Variants in DENND10 observed in about 807,000 individuals in gnomAD.
DENND10 encodes the protein DENN domain-containing protein 10.
DENND10 carries 24 observed loss-of-function variants against 43.6 expected under a neutral mutation model. The observed-to-expected ratio is 0.55, with a 90% CI of 0.40 to 0.77. The LOEUF (loss-of-function observed/expected upper bound fraction) is 0.77. DENND10 is among the 30% of genes least tolerant of loss of function. The probability of loss-of-function intolerance (pLI) is 0.00; values close to 1 mark genes in which losing one functional copy is unlikely to be tolerated. For missense variants in DENND10, 303 were observed against 429.9 expected (o/e 0.70, Z 2.61); for synonymous variants, 125 against 157.6 (o/e 0.79, Z 1.55).
At chr10:119,125,991 C>T (rs971254078) in intron 6 of DENND10, among the ~76,000 whole-genome samples, 1 of 152,124 alleles carries the variant, frequency 6.6e-6, no homozygotes, top group Non-Finnish European at 1.5e-5. Flanking sequence ...CCATTCTACT[C>T]TCTATCTCCC....
chr10:119,132,483 T>C lies in DENND10; in HGVS notation c.803-32T>C. 6.5e-7 allele frequency: 1 copy of C among 1,547,406 alleles called. No homozygotes were observed. The highest frequency in any genetic ancestry group is 8.9e-7 in the Non-Finnish European group (1 of 1,120,492). On this transcript the variant is annotated intron_variant, in intron 7 of 8. Transcript: ENST00000361432. The surrounding 1 kb of genome is among the most constrained non-coding windows in gnomAD (Gnocchi z 4.2). Reference sequence around the variant, plus strand: ...ATGGCATGATTATTTTTTATGTCGATTTCTAAATATTCACCTTCTTGATCT... The same window carrying C: ...ATGGCATGATTATTTTTTATGTCGACTTCTAAATATTCACCTTCTTGATCT...
intron 3 of DENND10, 61 bp from the exon 4 acceptor site, chr10:119,117,458 C>A: frequency 6.4e-7 from 1 of 1,559,670 alleles, no homozygotes; most frequent in Non-Finnish European, 8.7e-7. Flanking sequence ...AGCCTGGGTG[C>A]ACATCTGTAC....
At chr10:119,118,301 G>A (rs183095251) in intron 4 of DENND10, among the ~76,000 whole-genome samples, 57 of 152,168 alleles carry the variant, frequency 3.7e-4, no homozygotes, top group African/African-American at 1.3e-3. Flanking sequence ...TTTCTCGCTG[G>A]TGGGCTGAAT....
chr10:119,115,382 A>ATTTTTTTTTTTTTTTTTTTTTTTTTT (rs397845392), intron 3 of DENND10, among the ~76,000 whole-genome samples: 1 of 48,414 alleles, frequency 2.1e-5, no homozygotes, highest in East Asian at 8.1e-4. Context: ...TGAATTGGTA[A>ATTTTTTTTTTTTTTTTTTTTTTTTTT]TTTTTTTTTT....
At chr10:119,106,631 C>A (rs1844707296) in intron 1 of DENND10, among the ~76,000 whole-genome samples, 1 of 152,188 alleles carries the variant, frequency 6.6e-6, no homozygotes. Context: ...AGCCATTATG[C>A]TTGGCCTAAA....
At chr10:119,135,791 TAAAAAAAAAA>T (rs367836571) in intron 8 of DENND10, among the ~76,000 whole-genome samples, 27 of 64,020 alleles carry the variant, frequency 4.2e-4, no homozygotes, top group Admixed American at 1.0e-3. Context: ...ACTAAAATTG[TAAAAAAAAAA>T]AAAAAAAAAA....
Position 119,120,463 on chromosome 10 carries a change from T to G in DENND10, c.593+11T>G. The G allele has an allele frequency of 2.0e-6, 3 of 1,538,114 alleles. No individual in the cohort carries two copies. The highest frequency in any genetic ancestry group is 2.7e-6 in the Non-Finnish European group (3 of 1,111,058). The stretch of plus-strand genomic sequence containing the variant: ...CCAGGAGTTCACCAGGTATCACCTC[T>G]AATTATAAAAAAGTGTTAACTTTGT... On this transcript the variant is annotated intron_variant, in intron 5 of 8. Coordinates refer to ENST00000361432, the MANE Select transcript of DENND10 (RefSeq NM_207009.4).
At position 119,132,926 on chromosome 10, in the gene DENND10, G is replaced by T. The variant is rs538870878; in HGVS notation, c.897+317G>T. On this transcript the variant is annotated intron_variant, in intron 8 of 8. Coordinates refer to ENST00000361432, the MANE Select transcript of DENND10 (RefSeq NM_207009.4). The surrounding 1 kb of genome is among the most constrained non-coding windows in gnomAD (Gnocchi z 4.2). ...GCCAGTGCATTCTTTCTTCCTAGGA[G>T]AATTTCCCTGGAGGAACAAATTATA... The T allele has an allele frequency of 2.5e-5, 8 of 321,070 alleles. No individual in the cohort carries two copies. Among genetic ancestry groups the T allele is most frequent in the Admixed American group, 4.5e-5 (1 of 22,324 alleles). 19.9% of individuals were successfully genotyped at this position (321,070 alleles called of 1,614,324 possible). A position where few individuals can be genotyped will look rare whatever the true frequency, so the allele number is the denominator to read the frequency against.
rs397845392 is a variant in DENND10 at position 119,115,382 on chromosome 10, A to ATTTTTTTTTTTTTTTTTTTT, written c.333-2133_333-2114dup. ...CGTCAAGTTGTGAATTGAATTGGTA[A>ATTTTTTTTTTTTTTTTTTTT]TTTTTTTTTTTTTTTTTTTTTTTGA... is the stretch of plus-strand genomic sequence containing the variant. On this transcript the variant is annotated intron_variant, in intron 3 of 8. Transcript: ENST00000361432. Among the ~76,000 whole-genome samples the ATTTTTTTTTTTTTTTTTTTT allele has an allele frequency of 8.9e-4, 43 of 48,410 alleles. 9 individuals carry two copies. The highest frequency in any genetic ancestry group is 2.7e-3 in the South Asian group (2 of 744). The allele number at this position is 48,410 out of a possible 152,430, so 31.8% of individuals were successfully genotyped here. A position where few individuals can be genotyped will look rare whatever the true frequency, so the allele number is the denominator to read the frequency against.
chr10:119,123,467 A>G lies in DENND10; in HGVS notation c.594-2A>G. On this transcript the variant is annotated splice_acceptor_variant, in intron 5 of 8. Transcript: ENST00000361432. LOFTEE classifies it high-confidence loss of function. ...ACTTGAGTTCTTGCCTTGATTCCCC[A>G]GGACTCTGCCTGCCCTGGTGTGGCA... The G allele has an allele frequency of 6.2e-7, 1 of 1,613,024 alleles. No homozygotes were observed. The highest frequency in any genetic ancestry group is 8.5e-7 in the Non-Finnish European group (1 of 1,179,090).
intron 4 of DENND10, among the ~76,000 whole-genome samples, chr10:119,117,905 T>G (rs1213976854): frequency 6.6e-6 from 1 of 151,710 alleles, no homozygotes; most frequent in Non-Finnish European, 1.5e-5. Flanking sequence ...AGGCGGAGGT[T>G]GCAGTGAGCC....
chr10:119,130,067 T>C (rs1283884556), intron 7 of DENND10, among the ~76,000 whole-genome samples: 1 of 151,810 alleles, frequency 6.6e-6, no homozygotes, highest in Non-Finnish European at 1.5e-5. Flanking sequence ...TGCAGTGGCC[T>C]GATTTTGGCT....
Position 119,129,564 on chromosome 10 carries a change from CTA to C in DENND10, c.746_747del (p.Tyr249Ter). 1.9e-6 allele frequency: 3 copies of C among 1,614,006 alleles called. No individual in the cohort carries two copies. The highest frequency in any genetic ancestry group is 2.5e-6 in the Non-Finnish European group (3 of 1,179,876). On this transcript the variant is annotated frameshift_variant, in exon 7 of 9. Transcript: ENST00000361432. LOFTEE classifies it high-confidence loss of function. ...DLEVSNRPDL[Y>X]DVFVNLAESE... ...TGGAGGTGAGCAACAGACCAGACCT[CTA>C]TGATGTGTTTGTGAATCTGGCAGAG...
rs961708089 is a variant in DENND10 at position 119,132,075 on chromosome 10, A to G, written c.803-440A>G. 2.0e-5 allele frequency among the ~76,000 whole-genome samples: 3 copies of G among 152,192 alleles called. No homozygotes were observed. In the East Asian group the frequency reaches 5.8e-4, roughly 29 times the overall value. On this transcript the variant is annotated intron_variant, in intron 7 of 8. Coordinates refer to ENST00000361432, the MANE Select transcript of DENND10 (RefSeq NM_207009.4). This position sits in a 1 kb window ranked among gnomAD's most constrained non-coding sequence, Gnocchi z 4.2. ...CATTTCTAAGAATCTAAACGAATTGAGCGCCCAGCTGGCTTCTGCAGAACT... is the reference window on the plus strand; with the variant it reads ...CATTTCTAAGAATCTAAACGAATTGGGCGCCCAGCTGGCTTCTGCAGAACT...
intron 6 of DENND10, 61 bp downstream of exon 6, chr10:119,123,630 AC>A: frequency 8.5e-7 from 1 of 1,180,934 alleles, no homozygotes; most frequent in Non-Finnish European, 1.2e-6. Flanking sequence ...TTTTCCTGAG[AC>A]GGATTTTCAC....
chr10:119,128,239 G>A (rs533396134), intron 6 of DENND10, among the ~76,000 whole-genome samples: 3 of 152,000 alleles, frequency 2.0e-5, no homozygotes, highest in African/African-American at 7.3e-5. Flanking sequence ...CTTGAACCCA[G>A]GAGGTGAAGG....
intron 2 of DENND10, among the ~76,000 whole-genome samples, chr10:119,109,216 C>CA (rs56064617): frequency 0.58 from 74,531 of 129,186 alleles, 21,602 homozygotes; most frequent in Middle Eastern, 0.71. Context: ...AACTCCGTCT[C>CA]AAAAAAAAAA....
intron 3 of DENND10, among the ~76,000 whole-genome samples, chr10:119,116,661 CTTTCTTTT>C (rs1401209894): frequency 1.1e-4 from 10 of 91,476 alleles, no homozygotes; most frequent in Admixed American, 1.5e-4. Context: ...TTCTTTCTTT[CTTTCTTTT>C]TTTTTTTTTT....
intron 8 of DENND10, among the ~76,000 whole-genome samples, chr10:119,135,804 A>C (rs993218120): frequency 6.7e-6 from 1 of 149,762 alleles, no homozygotes; most frequent in Non-Finnish European, 1.5e-5. Flanking sequence ...AAAAAAAAAA[A>C]AAAAAAAAAA....
Sources: allele counts gnomAD v4.1 joint callset (sites outside exome capture counted in the v4.1 genomes callset), GRCh38; gene constraint gnomAD v4.1.1; non-coding constraint Gnocchi (gnomAD v3.1); transcripts MANE v1.5; gene names NCBI Gene and HGNC (gene_info 2026-07-23, HGNC 2026-07-21).